GLI2: variants seen among roughly 807,000 people sequenced by gnomAD.
GLI2 encodes the protein GLI family zinc finger 2.
A neutral mutation model predicts 78.9 loss-of-function variants in GLI2; 22 were observed. That is an observed-to-expected ratio of 0.28 (90% CI 0.20 to 0.40). The LOEUF (loss-of-function observed/expected upper bound fraction) is 0.40, where lower values mean the gene tolerates loss of function less well. GLI2 is among the 10% of genes least tolerant of loss of function. The pLI is 1.00. For missense variants in GLI2, 2,097 were observed against 2,213.2 expected (o/e 0.95, Z 1.05); for synonymous variants, 974 against 963.7 (o/e 1.01, Z -0.20).
chr2:120,806,717 G>T (rs768343446), intron 2 of GLI2, among the ~76,000 whole-genome samples: 6 of 152,226 alleles, frequency 3.9e-5, no homozygotes, highest in Non-Finnish European at 5.9e-5. Flanking sequence ...AGCTGATCCA[G>T]GGTGCAGGCC....
chr2:120,953,324 G>C (rs992977134), intron 4 of GLI2, among the ~76,000 whole-genome samples: 1 of 152,216 alleles, frequency 6.6e-6, no homozygotes, highest in African/African-American at 2.4e-5. Flanking sequence ...GCCACAAGCA[G>C]GAAGCTGGCA....
chr2:120,986,126 C>T (rs933536862), intron 12 of GLI2, 152 bp from the exon 13 acceptor site: 16 of 685,252 alleles, frequency 2.3e-5, no homozygotes, highest in East Asian at 5.4e-5. Context: ...AGACTCATGA[C>T]GCTTTACGTG....
intron 2 of GLI2, among the ~76,000 whole-genome samples, chr2:120,820,143 G>T (rs1297332973): frequency 6.6e-6 from 1 of 152,182 alleles, no homozygotes; most frequent in Non-Finnish European, 1.5e-5. Flanking sequence ...AAAGGTCCAG[G>T]CTGGTCCCTT....
At chr2:120,868,542 G>T (rs772201423) in intron 2 of GLI2, among the ~76,000 whole-genome samples, 3 of 152,190 alleles carry the variant, frequency 2.0e-5, no homozygotes, top group Non-Finnish European at 4.4e-5. Flanking sequence ...GGCCTTGCAG[G>T]GAAGGAACAG....
chr2:120,903,670 G>A (rs535513097), intron 2 of GLI2, among the ~76,000 whole-genome samples: 1 of 152,342 alleles, frequency 6.6e-6, no homozygotes, highest in East Asian at 1.9e-4. Flanking sequence ...CGGGTACTGT[G>A]CAAGGTGGGT....
At chr2:120,977,067 G>A (rs1466404766) in intron 9 of GLI2, among the ~76,000 whole-genome samples, 1 of 152,182 alleles carries the variant, frequency 6.6e-6, no homozygotes, top group African/African-American at 2.4e-5. Context: ...CTCCAGCAGG[G>A]GCATCTGTAC....
intron 1 of GLI2, among the ~76,000 whole-genome samples, chr2:120,794,732 G>A (rs1453344373): frequency 6.6e-6 from 1 of 152,146 alleles, no homozygotes; most frequent in Non-Finnish European, 1.5e-5. Flanking sequence ...CAGCAGGCAC[G>A]AACCAGTGTA....
At chr2:120,888,388 C>T (rs562261217) in intron 2 of GLI2, among the ~76,000 whole-genome samples, 5 of 152,314 alleles carry the variant, frequency 3.3e-5, no homozygotes, top group African/African-American at 4.8e-5. Context: ...TCATCGTCCC[C>T]GAGCATTAGG....
In GLI2 at chr2:120,986,375, G is replaced by A. The variant is rs772786172; in HGVS notation, c.2003G>A (p.Gly668Glu). The A allele has an allele frequency of 5.0e-6, 8 of 1,613,492 alleles. No homozygotes were observed. The highest frequency in any genetic ancestry group is 6.8e-6 in the Non-Finnish European group (8 of 1,179,944). ...PNNDSGVEMP[G>E]TGPGSLGDLT... ...AATGACAGTGGCGTGGAGATGCCGGGGACGGGGCCCGGGAGCCTGGGAGAC... is the reference window on the plus strand; with the variant it reads ...AATGACAGTGGCGTGGAGATGCCGGAGACGGGGCCCGGGAGCCTGGGAGAC... Residue 668 changes from glycine to glutamate, a missense_variant, in exon 13 of 14, where the codon GGG becomes GAG. Around this residue, in one of 5 missense-constraint regions of GLI2, gnomAD observed 68 missense variants for 104.4 expected, o/e 0.65. Coordinates refer to ENST00000361492, the MANE Select transcript of GLI2 (RefSeq NM_001374353.1).
At chr2:120,764,749 T>G (rs2104649489) in intron 1 of GLI2, among the ~76,000 whole-genome samples, 1 of 152,344 alleles carries the variant, frequency 6.6e-6, no homozygotes, top group African/African-American at 2.4e-5. Context: ...TCGAAGACTC[T>G]GAAAAATCCT....
chr2:120,823,524 A>T (rs1184513198), intron 2 of GLI2, among the ~76,000 whole-genome samples: 1 of 152,182 alleles, frequency 6.6e-6, no homozygotes, highest in Non-Finnish European at 1.5e-5. Flanking sequence ...GGAGAGGATG[A>T]GAGAGTGATG....
chr2:120,967,498 G>A (rs1681915441), intron 5 of GLI2, among the ~76,000 whole-genome samples: 1 of 152,194 alleles, frequency 6.6e-6, no homozygotes. Flanking sequence ...CACCGTGATG[G>A]GGAGCAGTCT....
chr2:120,961,004 C>T (rs1453466500), intron 5 of GLI2, among the ~76,000 whole-genome samples: 2 of 152,098 alleles, frequency 1.3e-5, no homozygotes, highest in Non-Finnish European at 2.9e-5. Context: ...CCCTGGAGAG[C>T]GGAGAATTCA....
intron 2 of GLI2, among the ~76,000 whole-genome samples, chr2:120,851,462 G>C (rs1417581748): frequency 6.6e-6 from 1 of 152,276 alleles, no homozygotes; most frequent in Non-Finnish European, 1.5e-5. Flanking sequence ...GCAGGTTGTG[G>C]TTGGGCTTGT....
chr2:120,901,371 G>A (rs1422645504), intron 2 of GLI2, among the ~76,000 whole-genome samples: 2 of 152,258 alleles, frequency 1.3e-5, no homozygotes, highest in Admixed American at 6.5e-5. Flanking sequence ...TGAAAATTGA[G>A]TGGAGCTGGA....
chr2:120,824,412 C>G (rs1481090949), intron 2 of GLI2, among the ~76,000 whole-genome samples: 1 of 152,240 alleles, frequency 6.6e-6, no homozygotes, highest in Non-Finnish European at 1.5e-5. Context: ...CACCCTGATA[C>G]AGGTGATTGT....
At position 120,868,003 on chromosome 2, in the gene GLI2, G is replaced by A. The variant is rs569718712; in HGVS notation, c.149-59358G>A. On this transcript the variant is annotated intron_variant, in intron 2 of 13. Transcript: ENST00000361492. The stretch of plus-strand genomic sequence containing the variant: ...CTCTGGAAGATTCACACTGTCAGCC[G>A]TAGGCGTTCTTTCCTGCCCCCCCAG... 1.8e-3 allele frequency among the ~76,000 whole-genome samples: 275 copies of A among 152,280 alleles called. 1 individual carries two copies. The highest frequency in any genetic ancestry group is 6.4e-3 in the African/African-American group (267 of 41,576).
intron 2 of GLI2, among the ~76,000 whole-genome samples, chr2:120,856,802 G>A (rs1238749358): frequency 1.3e-5 from 2 of 152,190 alleles, no homozygotes; most frequent in African/African-American, 4.8e-5. Context: ...GAAGCCTCGT[G>A]TGGCTGGAAT....
intron 1 of GLI2, among the ~76,000 whole-genome samples, chr2:120,773,988 T>C: frequency 7.7e-6 from 1 of 129,162 alleles, no homozygotes; most frequent in South Asian, 3.0e-4. Flanking sequence ...CTTCCCTCTC[T>C]GGCTTCCTCC....
Sources: gnomAD v4.1 joint callset for allele counts (sites outside exome capture counted in the v4.1 genomes callset) on GRCh38, gnomAD v4.1.1 for gene constraint, gnomAD v4.1.1 regional missense constraint, MANE v1.5 for transcripts, NCBI Gene and HGNC (gene_info 2026-07-23, HGNC 2026-07-21) for gene names.